DALRD3: variants seen among roughly 807,000 people sequenced by gnomAD.
DALRD3 encodes the protein DALR anticodon-binding domain-containing protein 3.
Under a neutral mutation model 56.7 loss-of-function variants are expected in DALRD3, and 47 were observed. The observed-to-expected ratio is 0.83, with a 90% CI of 0.66 to 1.06. DALRD3 has a LOEUF of 1.06. Ranked by LOEUF, DALRD3 falls within the 50% of genes least tolerant of loss-of-function variation. DALRD3 has a pLI of 0.00. For missense variants in DALRD3, 787 were observed against 724.0 expected (o/e 1.09, Z -1.00); for synonymous variants, 347 against 308.5 (o/e 1.12, Z -1.31).
chr3:49,016,731 C>A (rs1171846614), intron 6 of DALRD3, 43 bp downstream of exon 6: 4 of 1,613,900 alleles, frequency 2.5e-6, no homozygotes, highest in Non-Finnish European at 3.4e-6. Flanking sequence ...AGTCCCCCCT[C>A]ATTACCCTGG....
In DALRD3 at chr3:49,016,291, C is replaced by CTCTT; in HGVS notation, c.1192_1195dup (p.Ser399LysfsTer9). On this transcript the variant is annotated frameshift_variant, in exon 9 of 12. Transcript: ENST00000341949. LOFTEE classifies it high-confidence loss of function. ...ACAATTATACATGACAAAGGTGCCACTCTTTGTGCCCTTCGTGGAGATACT... is the reference window on the plus strand; with the variant it reads ...ACAATTATACATGACAAAGGTGCCACTCTTTCTTTGTGCCCTTCGTGGAGATACT... The CTCTT allele has an allele frequency of 5.6e-6, 9 of 1,612,910 alleles. No homozygotes were observed. The highest frequency in any genetic ancestry group is 7.6e-6 in the Non-Finnish European group (9 of 1,179,078).
intron 2 of DALRD3, 42 bp downstream of exon 2, chr3:49,017,981 G>A (rs748752784): frequency 6.7e-7 from 1 of 1,486,758 alleles, no homozygotes; most frequent in Non-Finnish European, 8.9e-7. Context: ...TAGGTACCCG[G>A]CAGTCCCACT....
rs1329692585 is a variant in DALRD3 at position 49,015,712 on chromosome 3, A to G, written c.1513-5T>C. ...AAAGAGGTGTGGTCGAGGCTCCTGA[A>G]AGAGAAAGGGCCTGCTGGTCTCATC... On this transcript the variant is annotated splice_polypyrimidine_tract_variant and splice_region_variant and intron_variant, in intron 11 of 11. Coordinates refer to ENST00000341949, the MANE Select transcript of DALRD3 (RefSeq NM_001009996.3). 6.2e-7 allele frequency: 1 copy of G among 1,614,002 alleles called. No individual in the cohort carries two copies. Among genetic ancestry groups the G allele is most frequent in the South Asian group, 1.1e-5 (1 of 91,066 alleles).
chr3:49,016,757 C>A lies in DALRD3; in HGVS notation c.1001+17G>T, dbSNP rs770252356. ...ATTACCCTGGCTTAGGTTGGTGTTC[C>A]TCCCAGCCTCACTCACTCGTAGTAC... On this transcript the variant is annotated intron_variant, in intron 6 of 11. Coordinates refer to ENST00000341949, the MANE Select transcript of DALRD3 (RefSeq NM_001009996.3). 1 of 1,614,150 alleles carries A rather than the reference C, an allele frequency of 6.2e-7. No homozygotes were observed. Among genetic ancestry groups the A allele is most frequent in the Non-Finnish European group, 8.5e-7 (1 of 1,179,992 alleles).
In DALRD3 at chr3:49,017,217, T is replaced by G. The variant is rs771475315; in HGVS notation, c.927+11A>C. 6.2e-7 allele frequency: 1 copy of G among 1,614,098 alleles called. No homozygotes were observed. Among genetic ancestry groups the G allele is most frequent in the East Asian group, 2.2e-5 (1 of 44,884 alleles). ...AGGTGGTGGGGAGCTCCACCATCAT[T>G]ATTAACCTACCTGTCTGAGTGGAGC... is the stretch of plus-strand genomic sequence containing the variant. On this transcript the variant is annotated intron_variant, in intron 5 of 11. Coordinates refer to ENST00000341949, the MANE Select transcript of DALRD3 (RefSeq NM_001009996.3).
rs1250777704 is a variant in DALRD3 at position 49,017,356 on chromosome 3, C to A, written c.799G>T (p.Ala267Ser). Residue 267 changes from alanine (A) to serine (S), a missense_variant and splice_region_variant, in exon 5 of 12, where the codon GCT becomes TCT. Ala to Ser is a moderately conservative substitution (Grantham distance 99, BLOSUM62 1). Transcript: ENST00000341949. Reference sequence around the variant, plus strand: ...CCTGTACCAGTATCTGAGGCCCCAGCCTAAGGGAGGACAATCATAACTGTG... The same window carrying A: ...CCTGTACCAGTATCTGAGGCCCCAGACTAAGGGAGGACAATCATAACTGTG... ...HWPEDSHPGL[A>S]GASDTGTGGC... 1 of 1,614,186 alleles carries A rather than the reference C, an allele frequency of 6.2e-7. No homozygotes were observed. Among genetic ancestry groups the A allele is most frequent in the South Asian group, 1.1e-5 (1 of 91,088 alleles).
chr3:49,018,697 C>T, upstream of DALRD3: 1 of 1,407,050 alleles, frequency 7.1e-7, no homozygotes, highest in Non-Finnish European at 9.2e-7. Context: ...GTAGCCCTGT[C>T]GGCTGCTTTC....
upstream of DALRD3, chr3:49,020,773 C>A: frequency 2.4e-6 from 1 of 422,394 alleles, no homozygotes; most frequent in Non-Finnish European, 5.1e-6. Flanking sequence ...TCAGAACCCG[C>A]CCATCCCCAG....
upstream of DALRD3, among the ~76,000 whole-genome samples, chr3:49,019,726 C>T (rs1379097787): frequency 3.3e-5 from 5 of 152,160 alleles, no homozygotes; most frequent in Non-Finnish European, 2.9e-5. Flanking sequence ...CCGCCTGCCT[C>T]GGCCTCCCAA....
Position 49,018,271 on chromosome 3 carries a change from AC to A in DALRD3, c.212del (p.Gly71ValfsTer64). The A allele has an allele frequency of 6.9e-7, 1 of 1,445,382 alleles. No individual in the cohort carries two copies. The highest frequency in any genetic ancestry group is 9.0e-7 in the Non-Finnish European group (1 of 1,107,498). 89.5% of individuals were successfully genotyped at this position (1,445,382 alleles called of 1,614,324 possible). ...LHALACLQGP[G>X]VAPVLRCAPT... ...GCGCGCAGCGCAGCACCGGGGCCAC[AC>A]CGGGGCCCTGCAGGCAGGCGAGGGC... is the stretch of plus-strand genomic sequence containing the variant. On this transcript the variant is annotated frameshift_variant, in exon 2 of 12. Coordinates refer to ENST00000341949, the MANE Select transcript of DALRD3 (RefSeq NM_001009996.3). LOFTEE classifies it high-confidence loss of function.
Position 49,018,557 on chromosome 3 carries a change from G to A in DALRD3, c.8C>T (p.Thr3Ile). 6.4e-7 allele frequency: 1 copy of A among 1,571,372 alleles called. No individual in the cohort carries two copies. The highest frequency in any genetic ancestry group is 8.6e-7 in the Non-Finnish European group (1 of 1,160,634). Residue 3 changes from threonine (T) to isoleucine (I), a missense_variant, in exon 1 of 12, where the codon ACC (threonine) becomes ATC (isoleucine). By Grantham distance (89) the Thr-to-Ile change is moderately conservative (BLOSUM62 -1). Coordinates refer to ENST00000341949, the MANE Select transcript of DALRD3 (RefSeq NM_001009996.3). MATRRLGVGETLG... is the reference protein window; with the variant it reads MAIRRLGVGETLG... ...CGTCTCCCCGACCCCAAGGCGCCTG[G>A]TCGCCATGGTGACCGGAAGGAGTAA...
chr3:49,016,733 T>C (rs778397200), intron 6 of DALRD3, 41 bp downstream of exon 6: 1 of 1,614,038 alleles, frequency 6.2e-7, no homozygotes, highest in Non-Finnish European at 8.5e-7. Flanking sequence ...TCCCCCCTCA[T>C]TACCCTGGCT....
In DALRD3 at chr3:49,015,959, T is replaced by G. The variant is rs1192308125; in HGVS notation, c.1443+14A>C. The G allele has an allele frequency of 6.2e-7, 1 of 1,613,950 alleles. No individual in the cohort carries two copies. Among genetic ancestry groups the G allele is most frequent in the Admixed American group, 1.7e-5 (1 of 60,002 alleles). On this transcript the variant is annotated intron_variant, in intron 10 of 11. Transcript: ENST00000341949. ...AGAATAGAGTGTAGAGTGTCCTGGT[T>G]GTCTATGCCTCACCATCTCTGTGCG...
At position 49,017,735 on chromosome 3, in the gene DALRD3, A is replaced by C. The variant is rs1020529069; in HGVS notation, c.596T>G (p.Leu199Arg). Reference sequence around the variant, plus strand: ...TGTCCTCCCGTCATTAGCAGAGGTAAGTTCTTCAAGGGCGTGGCTCCTCAG... The same window carrying C: ...TGTCCTCCCGTCATTAGCAGAGGTACGTTCTTCAAGGGCGTGGCTCCTCAG... The part of the protein sequence containing the change: ...HTLRSHALEE[L>R]TSANDGRTLS... Residue 199 changes from leucine to arginine, a missense_variant, in exon 3 of 12, where the codon CTT becomes CGT. Transcript: ENST00000341949. The C allele has an allele frequency of 3.1e-6, 5 of 1,613,916 alleles. No individual in the cohort carries two copies. Among genetic ancestry groups the C allele is most frequent in the African/African-American group, 1.3e-5 (1 of 74,928 alleles).
At chr3:49,020,058 G>A, upstream of DALRD3, 1 of 515,574 alleles carries the variant, frequency 1.9e-6, no homozygotes, top group Non-Finnish European at 4.0e-6. Flanking sequence ...GAGAGAGTTG[G>A]GAAATCCGGA....
At chr3:49,020,018 A>G, upstream of DALRD3, 1 of 364,550 alleles carries the variant, frequency 2.7e-6, no homozygotes, top group African/African-American at 2.3e-5. Flanking sequence ...CCCCACCCCC[A>G]TTCCTTTTAA....
chr3:49,016,078 C>CCACT lies in DALRD3; in HGVS notation c.1334_1337dup (p.Trp446Ter). 1 of 1,603,224 alleles carries CCACT rather than the reference C, an allele frequency of 6.2e-7. No individual in the cohort carries two copies. The highest frequency in any genetic ancestry group is 8.5e-7 in the Non-Finnish European group (1 of 1,172,632). On this transcript the variant is annotated stop_gained and frameshift_variant, in exon 10 of 12. Coordinates refer to ENST00000341949, the MANE Select transcript of DALRD3 (RefSeq NM_001009996.3). LOFTEE classifies it high-confidence loss of function. ...GGAGGATACTGTTGAAGAGCAACAA[C>CCACT]CACTCACCCTGTTGGGGAGAAAGGT...
rs1575292319 is a variant in DALRD3 at position 49,017,607 on chromosome 3, T to A, written c.718+6A>T. ...TTTTCTGGCCCTGCTAGGCTTCAGG[T>A]CCTACCCAGACAGTTGTCCAGGTTG... On this transcript the variant is annotated splice_donor_region_variant and intron_variant, in intron 3 of 11. Coordinates refer to ENST00000341949, the MANE Select transcript of DALRD3 (RefSeq NM_001009996.3). 1.2e-6 allele frequency: 2 copies of A among 1,614,130 alleles called. No homozygotes were observed. Among genetic ancestry groups the A allele is most frequent in the Non-Finnish European group, 1.7e-6 (2 of 1,179,994 alleles).
At chr3:49,018,717 C>G (rs78807522), upstream of DALRD3, 1 of 1,394,206 alleles carries the variant, frequency 7.2e-7, no homozygotes, top group East Asian at 2.8e-5. Flanking sequence ...CGACCTACCG[C>G]CCCCAGCGCC....
Sources: allele counts gnomAD v4.1 joint callset (sites outside exome capture counted in the v4.1 genomes callset), GRCh38; gene constraint gnomAD v4.1.1; transcripts MANE v1.5; gene names NCBI Gene and HGNC (gene_info 2026-07-23, HGNC 2026-07-21).